RBFOX1: variants seen among roughly 807,000 people sequenced by gnomAD.
RBFOX1 encodes the protein RNA binding fox-1 homolog 1, also known as RNA binding protein fox-1 homolog 1.
A neutral mutation model predicts 57.7 loss-of-function variants in RBFOX1; 8 were observed. The ratio of observed to expected loss-of-function variants is 0.14; its 90% CI spans 0.08 to 0.25. The LOEUF (loss-of-function observed/expected upper bound fraction) is 0.25. RBFOX1 is among the 10% of genes least tolerant of loss of function. The pLI is 1.00. For missense variants in RBFOX1, 611 were observed against 548.5 expected (o/e 1.11, Z -1.14); for synonymous variants, 326 against 222.4 (o/e 1.47, Z -4.15).
intron 4 of RBFOX1, among the ~76,000 whole-genome samples, chr16:7,078,626 G>C (rs2058667724): frequency 6.6e-6 from 1 of 151,498 alleles, no homozygotes; most frequent in Admixed American, 6.6e-5. Flanking sequence ...GAGATTACAG[G>C]CATGAGCCAC....
intron 4 of RBFOX1, among the ~76,000 whole-genome samples, chr16:5,892,981 G>A (rs1488070728): frequency 2.6e-5 from 4 of 152,198 alleles, no homozygotes; most frequent in African/African-American, 9.6e-5. Flanking sequence ...CAAGGGTAAA[G>A]AGGAGGAAAC....
At chr16:6,781,986 T>C (rs2081094486) in intron 3 of RBFOX1, among the ~76,000 whole-genome samples, 3 of 152,146 alleles carry the variant, frequency 2.0e-5, no homozygotes, top group African/African-American at 7.2e-5. Flanking sequence ...GATGCAGTTT[T>C]AGGTTTTTTG....
chr16:5,396,568 G>A (rs11642241), intron 1 of RBFOX1, among the ~76,000 whole-genome samples: 2 of 152,170 alleles, frequency 1.3e-5, no homozygotes, highest in African/African-American at 4.8e-5. Flanking sequence ...CTTGAACTCA[G>A]GCGGCAGAGG....
At chr16:5,476,181 C>G (rs1422593288) in intron 2 of RBFOX1, among the ~76,000 whole-genome samples, 2 of 152,142 alleles carry the variant, frequency 1.3e-5, no homozygotes, top group East Asian at 3.8e-4. Context: ...AATGCAGAAT[C>G]AGGCAATGCA....
chr16:7,328,282 C>T (rs1346955126), intron 4 of RBFOX1, among the ~76,000 whole-genome samples: 1 of 151,928 alleles, frequency 6.6e-6, no homozygotes, highest in Non-Finnish European at 1.5e-5. Context: ...GAGTTCAAGA[C>T]AATCCTGGCC....
At position 6,962,854 on chromosome 16, in the gene RBFOX1, G is replaced by C. The variant is rs1458907704; in HGVS notation, c.-15-89203G>C. Among the ~76,000 whole-genome samples, 3 of 141,008 alleles carry C rather than the reference G, an allele frequency of 2.1e-5. No homozygotes were observed. In the East Asian group the frequency reaches 7.2e-4, roughly 34 times the overall value. The allele number at this position is 141,008 out of a possible 152,430, so 92.5% of individuals were successfully genotyped here. On this transcript the variant is annotated intron_variant, in intron 3 of 15. Coordinates refer to ENST00000550418, the MANE Select transcript of RBFOX1 (RefSeq NM_018723.4). The stretch of plus-strand genomic sequence containing the variant: ...CACTCCAGCCTGGGCGGCAGAATGA[G>C]ACCCTGTCTCATGGAAAAAGGGAAA...
At chr16:7,543,048 C>T (rs933985678) in intron 5 of RBFOX1, among the ~76,000 whole-genome samples, 1 of 152,090 alleles carries the variant, frequency 6.6e-6, no homozygotes, top group Admixed American at 6.5e-5. Context: ...CTGAACAATC[C>T]TATAGGTGGG....
intron 1 of RBFOX1, among the ~76,000 whole-genome samples, chr16:6,128,800 G>A (rs1192536022): frequency 6.6e-6 from 1 of 152,202 alleles, no homozygotes; most frequent in Non-Finnish European, 1.5e-5. Context: ...TCTGTGCAGT[G>A]CTGGGGCACT....
At chr16:6,847,630 A>T (rs961463279) in intron 3 of RBFOX1, among the ~76,000 whole-genome samples, 1 of 152,090 alleles carries the variant, frequency 6.6e-6, no homozygotes, top group Admixed American at 6.5e-5. Flanking sequence ...AGAATGGAAG[A>T]ATTGCTGCCA....
intron 1 of RBFOX1, chr16:6,037,634 GC>G (rs2095383598): frequency 6.6e-6 from 1 of 150,504 alleles, no homozygotes; most frequent in Admixed American, 6.6e-5. Flanking sequence ...TCGCTCTGTC[GC>G]CCAAGCTGGA....
intron 1 of RBFOX1, among the ~76,000 whole-genome samples, chr16:6,221,318 T>C (rs1034184943): frequency 1.3e-5 from 2 of 152,218 alleles, no homozygotes; most frequent in African/African-American, 4.8e-5. Flanking sequence ...TGCTGTTTAA[T>C]TTGAATTTCA....
At chr16:6,524,893 G>A (rs1486894721) in intron 2 of RBFOX1, among the ~76,000 whole-genome samples, 1 of 151,990 alleles carries the variant, frequency 6.6e-6, no homozygotes, top group African/African-American at 2.4e-5. Context: ...CCATTCCCTG[G>A]ATTTAGGGCC....
At chr16:6,134,990 C>T (rs1000699984) in intron 1 of RBFOX1, among the ~76,000 whole-genome samples, 14 of 152,048 alleles carry the variant, frequency 9.2e-5, no homozygotes, top group African/African-American at 3.4e-4. Context: ...TGCTGTCCGT[C>T]CCCCCTCCCC....
intron 3 of RBFOX1, among the ~76,000 whole-genome samples, chr16:6,928,303 T>G (rs1278143893): frequency 6.6e-6 from 1 of 152,056 alleles, no homozygotes; most frequent in Non-Finnish European, 1.5e-5. Flanking sequence ...AACCATCAGA[T>G]CAGGGACAAA....
At chr16:7,609,235 T>A (rs1891121687) in intron 10 of RBFOX1, among the ~76,000 whole-genome samples, 1 of 152,078 alleles carries the variant, frequency 6.6e-6, no homozygotes, top group African/African-American at 2.4e-5. Flanking sequence ...AGCCTTCTTG[T>A]GGGGAGGAAG....
At chr16:7,052,292 C>T (rs1037056262) in intron 4 of RBFOX1, among the ~76,000 whole-genome samples, 194 bp downstream of exon 4, 3 of 152,074 alleles carry the variant, frequency 2.0e-5, no homozygotes, top group African/African-American at 4.8e-5. Context: ...TTGGAAGTGC[C>T]GTTATAGTAG....
At chr16:5,909,161 G>T (rs539614253) in intron 4 of RBFOX1, among the ~76,000 whole-genome samples, 223 of 140,154 alleles carry the variant, frequency 1.6e-3, no homozygotes, top group Non-Finnish European at 2.9e-3. Context: ...GGTGCGGTCT[G>T]GGCTCACTGC....
rs181157094 is a variant in RBFOX1 at position 7,539,276 on chromosome 16, G to A, written c.270+20887G>A. On this transcript the variant is annotated intron_variant, in intron 5 of 15. Transcript: ENST00000550418. ...GGGAAGCCTTCTCTGAGGAAGGGTC[G>A]GTTAAGCTGTGTTCTGAAGGATGGG... is the stretch of plus-strand genomic sequence containing the variant. 2.5e-3 allele frequency among the ~76,000 whole-genome samples: 377 copies of A among 152,206 alleles called. 1 individual carries two copies. The highest frequency in any genetic ancestry group is 3.9e-3 in the South Asian group (19 of 4,814).
chr16:6,316,401 G>A lies in RBFOX1; in HGVS notation c.-126-594G>A. ...TATTTATGAAATTTATTACTGCTAG[G>A]ATACCTTGTATCATAATTCTACTCA... On this transcript the variant is annotated intron_variant, in intron 1 of 15. Coordinates refer to ENST00000550418, the MANE Select transcript of RBFOX1 (RefSeq NM_018723.4). Among the ~76,000 whole-genome samples the A allele has an allele frequency of 1.3e-5, 2 of 152,122 alleles. 1 individual carries two copies. Among genetic ancestry groups the A allele is most frequent in the Non-Finnish European group, 2.9e-5 (2 of 68,010 alleles).
Sources: gnomAD v4.1 joint callset for allele counts (sites outside exome capture counted in the v4.1 genomes callset) on GRCh38, gnomAD v4.1.1 for gene constraint, MANE v1.5 for transcripts, NCBI Gene and HGNC (gene_info 2026-07-23, HGNC 2026-07-21) for gene names.